The following MED27 variants were observed in gnomAD, a reference collection of about 807,000 sequenced individuals.
The protein encoded by MED27 is mediator complex subunit 27.
Under a neutral mutation model 38.2 loss-of-function variants are expected in MED27, and 30 were observed. The observed-to-expected ratio is 0.79, with a 90% confidence interval of 0.59 to 1.07. MED27 has a LOEUF of 1.07. MED27 is among the 50% of genes least tolerant of loss of function. The pLI is 0.00. For synonymous variants in MED27, 122 were observed against 153.5 expected, an observed-to-expected ratio of 0.79 and a Z score of 1.52; for missense variants, 289 against 397.5, an observed-to-expected ratio of 0.73 and a Z score of 2.32.
intron 4 of MED27, among the ~76,000 whole-genome samples, chr9:131,931,709 TA>T (rs1830591152): frequency 1.3e-5 from 2 of 152,132 alleles, no homozygotes; most frequent in African/African-American, 4.8e-5. Flanking sequence ...CAGGAGTAGC[TA>T]TACTTACACA....
At chr9:132,023,783 A>T (rs1832763987) in intron 2 of MED27, among the ~76,000 whole-genome samples, 1 of 152,224 alleles carries the variant, frequency 6.6e-6, no homozygotes, top group South Asian at 2.1e-4. Context: ...GGAAAAAGAT[A>T]TATGATGATG....
At position 132,003,406 on chromosome 9, in the gene MED27, T is replaced by C. The variant is rs1317915307; in HGVS notation, c.479+10931A>G. On this transcript the variant is annotated intron_variant, in intron 3 of 7. Coordinates refer to ENST00000292035, the MANE Select transcript of MED27 (RefSeq NM_004269.4). The surrounding 1 kb of genome is among the most constrained non-coding windows in gnomAD (Gnocchi z 4.2). Reference sequence around the variant, plus strand: ...ACACTGGGTTTTAAATTTTAGTCTATGTCACGATGGGTCTGAGACAAACCC... The same window carrying C: ...ACACTGGGTTTTAAATTTTAGTCTACGTCACGATGGGTCTGAGACAAACCC... Among the ~76,000 whole-genome samples the C allele has an allele frequency of 6.6e-6, 1 of 152,230 alleles. No individual in the cohort carries two copies. Among genetic ancestry groups the C allele is most frequent in the Non-Finnish European group, 1.5e-5 (1 of 68,034 alleles).
intron 6 of MED27, among the ~76,000 whole-genome samples, chr9:131,881,901 G>T (rs746107120): frequency 7.0e-6 from 1 of 142,408 alleles, no homozygotes; most frequent in Non-Finnish European, 1.5e-5. Flanking sequence ...GATTACAGGC[G>T]CCCGCCACCA....
intron 2 of MED27, chr9:132,073,741 T>G: frequency 6.6e-7 from 1 of 1,515,872 alleles, no homozygotes; most frequent in Non-Finnish European, 8.8e-7. Context: ...AAGTTGCTCT[T>G]TCTGTAATAA....
chr9:131,965,466 A>G (rs896926292), intron 3 of MED27, among the ~76,000 whole-genome samples: 2 of 152,232 alleles, frequency 1.3e-5, no homozygotes, highest in Admixed American at 6.5e-5. Flanking sequence ...CCTTCCTGTA[A>G]CAGGTTAATG....
intron 2 of MED27, among the ~76,000 whole-genome samples, chr9:132,033,120 G>A (rs1832999023): frequency 6.6e-6 from 1 of 152,098 alleles, no homozygotes; most frequent in Admixed American, 6.6e-5. Context: ...TATTAAGAAC[G>A]CCTGTCATAG....
rs1832291808 is a variant in MED27, at chr9:132,003,670, A to G, written c.479+10667T>C. Among the ~76,000 whole-genome samples the G allele has an allele frequency of 6.6e-6, 1 of 152,158 alleles. No individual in the cohort carries two copies. The highest frequency in any genetic ancestry group is 1.5e-5 in the Non-Finnish European group (1 of 68,036). On this transcript the variant is annotated intron_variant, in intron 3 of 7. Transcript: ENST00000292035. This position sits in a 1 kb window ranked among gnomAD's most constrained non-coding sequence, Gnocchi z 4.2. Reference sequence around the variant, plus strand: ...ACTTCTACCCTCCCTGTGCTCATGAACAGTATCCCGCTCTCATCATGCAGT... The same window carrying G: ...ACTTCTACCCTCCCTGTGCTCATGAGCAGTATCCCGCTCTCATCATGCAGT...
chr9:131,967,225 AT>A, intron 3 of MED27, among the ~76,000 whole-genome samples: 1 of 152,204 alleles, frequency 6.6e-6, no homozygotes, highest in Non-Finnish European at 1.5e-5. Flanking sequence ...GGCCATTCCA[AT>A]TTGTGGGTGT....
At chr9:132,062,752 G>A (rs1263596195) in intron 2 of MED27, among the ~76,000 whole-genome samples, 2 of 151,976 alleles carry the variant, frequency 1.3e-5, no homozygotes, top group African/African-American at 2.4e-5. Context: ...TGAGTAGCTG[G>A]GACTTAGGAT....
At chr9:131,898,507 C>T (rs776652794) in intron 4 of MED27, among the ~76,000 whole-genome samples, 10 of 152,072 alleles carry the variant, frequency 6.6e-5, no homozygotes, top group Non-Finnish European at 1.2e-4. Context: ...TGAGCCACCG[C>T]GCCCAGCCAA....
At chr9:131,958,756 G>C (rs12349247) in intron 3 of MED27, among the ~76,000 whole-genome samples, 6,020 of 152,252 alleles carry the variant, frequency 0.04, 212 homozygotes, top group African/African-American at 0.1. Context: ...GAAAGACTCA[G>C]GCACCAAGCT....
At chr9:132,037,800 G>A (rs1306223391) in intron 2 of MED27, among the ~76,000 whole-genome samples, 1 of 152,174 alleles carries the variant, frequency 6.6e-6, no homozygotes, top group Non-Finnish European at 1.5e-5. Context: ...TGGGAAAAGT[G>A]CTGTGTTTCT....
At chr9:131,870,471 C>T (rs536100695) in intron 6 of MED27, among the ~76,000 whole-genome samples, 13 of 152,218 alleles carry the variant, frequency 8.5e-5, no homozygotes, top group East Asian at 1.9e-4. Flanking sequence ...GGTACTCTCA[C>T]GTTTGGGACT....
chr9:131,901,503 C>G (rs1050126413), intron 4 of MED27, among the ~76,000 whole-genome samples: 3 of 152,170 alleles, frequency 2.0e-5, no homozygotes, highest in Non-Finnish European at 2.9e-5. Flanking sequence ...CTAAAGTGCT[C>G]TGCCACCTGG....
chr9:131,860,332 C>T lies in MED27; in HGVS notation c.*206G>A, dbSNP rs201147999. On this transcript the variant is annotated 3_prime_UTR_variant, in exon 8 of 8. Coordinates refer to ENST00000292035, the MANE Select transcript of MED27 (RefSeq NM_004269.4). This position sits in a 1 kb window ranked among gnomAD's most constrained non-coding sequence, Gnocchi z 5.8. ...AGAAAGGTCTTCTTTGCCTTCAGTCCGCTGGCTAGTGGGAATAATTAGTCC... is the reference window on the plus strand; with the variant it reads ...AGAAAGGTCTTCTTTGCCTTCAGTCTGCTGGCTAGTGGGAATAATTAGTCC... 5.7e-5 allele frequency: 30 copies of T among 527,942 alleles called. No individual in the cohort carries two copies. Among genetic ancestry groups the T allele is most frequent in the East Asian group, 5.2e-4 (15 of 28,590 alleles). The allele number at this position is 527,942 out of a possible 1,614,324, so 32.7% of individuals were successfully genotyped here. A position where few individuals can be genotyped will look rare whatever the true frequency, so the allele number is the denominator to read the frequency against.
At chr9:131,948,444 G>A (rs1453864049) in intron 3 of MED27, among the ~76,000 whole-genome samples, 1 of 151,130 alleles carries the variant, frequency 6.6e-6, no homozygotes, top group East Asian at 1.9e-4. Context: ...CCAAGATTAT[G>A]CCACTGCACT....
chr9:131,980,803 A>G (rs752946942), intron 3 of MED27, among the ~76,000 whole-genome samples: 1 of 152,102 alleles, frequency 6.6e-6, no homozygotes, highest in African/African-American at 2.4e-5. Context: ...GCTGCTCCAG[A>G]GAGCCTTCTT....
intron 6 of MED27, among the ~76,000 whole-genome samples, chr9:131,871,663 C>T (rs1263638542): frequency 6.6e-6 from 1 of 152,160 alleles, no homozygotes; most frequent in African/African-American, 2.4e-5. Context: ...GATCCTCCTG[C>T]CTCAGTCTCT....
chr9:131,941,184 A>G (rs1830779195), intron 3 of MED27, among the ~76,000 whole-genome samples: 1 of 152,244 alleles, frequency 6.6e-6, no homozygotes, highest in Non-Finnish European at 1.5e-5. Flanking sequence ...ATAATATAAT[A>G]GCTGACATGT....
Sources: gnomAD v4.1 joint callset for allele counts (sites outside exome capture counted in the v4.1 genomes callset) on GRCh38, gnomAD v4.1.1 for gene constraint, Gnocchi (gnomAD v3.1) non-coding constraint, MANE v1.5 for transcripts, NCBI Gene and HGNC (gene_info 2026-07-23, HGNC 2026-07-21) for gene names.